The following HBP1 variants were observed in gnomAD, a reference collection of about 807,000 sequenced individuals.
HBP1 encodes the protein HMG-box transcription factor 1.
HBP1 carries 20 observed loss-of-function variants against 62.6 expected under a neutral mutation model. The ratio of observed to expected loss-of-function variants is 0.32; its 90% CI spans 0.22 to 0.46. The LOEUF is 0.46. Ranked by LOEUF, HBP1 falls within the 20% of genes least tolerant of loss-of-function variation. HBP1 has a pLI of 1.00. For synonymous variants in HBP1, 232 were observed against 206.2 expected, an observed-to-expected ratio of 1.12 and a Z score of -1.07; for missense variants, 480 against 611.8, an observed-to-expected ratio of 0.78 and a Z score of 2.27.
rs960108609 is a variant in HBP1, at chr7:107,202,402, T to C, written c.*971T>C. On this transcript the variant is annotated 3_prime_UTR_variant, in exon 11 of 11. Coordinates refer to ENST00000222574, the MANE Select transcript of HBP1 (RefSeq NM_012257.4). ...GTTACTTACCAAGTGGTGTTTCTGG[T>C]TAGGAATCACAGCTGTAAAATTGAT... 6.6e-6 allele frequency: 1 copy of C among 152,642 alleles called. No individual in the cohort carries two copies. Among genetic ancestry groups the C allele is most frequent in the Non-Finnish European group, 1.5e-5 (1 of 68,046 alleles). The allele number at this position is 152,642 out of a possible 1,614,324, so 9.5% of individuals were successfully genotyped here. A position where few individuals can be genotyped will look rare whatever the true frequency, so the allele number is the denominator to read the frequency against.
At chr7:107,193,211 T>G (rs560255649) in intron 8 of HBP1, 2 of 152,316 alleles carry the variant, frequency 1.3e-5, no homozygotes, top group East Asian at 3.9e-4. Context: ...TCAGGTAATA[T>G]GATTTAACAA....
Position 107,182,363 on chromosome 7 carries a change from T to A in HBP1, c.170-10T>A, listed in dbSNP as rs745499703. The A allele has an allele frequency of 6.7e-7, 1 of 1,496,702 alleles. No individual in the cohort carries two copies. The highest frequency in any genetic ancestry group is 1.1e-5 in the South Asian group (1 of 88,646). 92.7% of individuals were successfully genotyped at this position (1,496,702 alleles called of 1,614,324 possible). A position where few individuals can be genotyped will look rare whatever the true frequency, so the allele number is the denominator to read the frequency against. ...TTCCTTTTTATGATTTTGAGTGTGC[T>A]TATTTGCAGATGACCTTCCTGAACT... On this transcript the variant is annotated splice_polypyrimidine_tract_variant and intron_variant, in intron 2 of 10. Coordinates refer to ENST00000222574, the MANE Select transcript of HBP1 (RefSeq NM_012257.4).
Position 107,171,328 on chromosome 7 carries a change from C to T in HBP1, c.-16+2143C>T, listed in dbSNP as rs191003304. The stretch of plus-strand genomic sequence containing the variant: ...CTCGTGATCTGCCCGCCTCGGCCTC[C>T]CAAAGTGCTGGGATTACAGGTGTGA... On this transcript the variant is annotated intron_variant, in intron 1 of 10. Transcript: ENST00000222574. Among the ~76,000 whole-genome samples, 637 of 151,478 alleles carry T rather than the reference C, an allele frequency of 4.2e-3. 2 individuals are homozygous for T. Among genetic ancestry groups the T allele is most frequent in the African/African-American group, 0.014 (596 of 41,210 alleles).
At chr7:107,175,214 A>G (rs2115797569) in intron 1 of HBP1, among the ~76,000 whole-genome samples, 1 of 152,232 alleles carries the variant, frequency 6.6e-6, no homozygotes, top group African/African-American at 2.4e-5. Context: ...TTAAAAAAAA[A>G]AATCATCAGT....
chr7:107,197,947 C>T (rs1276822845), intron 9 of HBP1, among the ~76,000 whole-genome samples: 1 of 152,118 alleles, frequency 6.6e-6, no homozygotes, highest in African/African-American at 2.4e-5. Flanking sequence ...GTACATGCTG[C>T]ATTTCTCTTT....
intron 1 of HBP1, among the ~76,000 whole-genome samples, chr7:107,178,415 A>C (rs1796960889): frequency 6.8e-6 from 1 of 147,222 alleles, no homozygotes; most frequent in South Asian, 2.2e-4. Context: ...CGTTGTCCAA[A>C]GGGTGAAATA....
chr7:107,170,343 AT>A (rs1796493581), intron 1 of HBP1, among the ~76,000 whole-genome samples: 1 of 152,218 alleles, frequency 6.6e-6, no homozygotes, highest in African/African-American at 2.4e-5. Context: ...CTTTTTGAGA[AT>A]TAGAATAATT....
chr7:107,196,065 G>A lies in HBP1; in HGVS notation c.1299G>A (p.Lys433=), dbSNP rs1372370464. The A allele has an allele frequency of 1.9e-6, 3 of 1,613,500 alleles. No homozygotes were observed. The Admixed American group carries it at 5.0e-5, about 27-fold the overall frequency. ...CTGTGAGTGCCACTTCTCCTAATAA[G>A]TGCAAAAGACCAATGAATGCCTTCA... ...SGTVSATSPN[K]CKRPMNAFML... is the part of the protein sequence containing the mutation. The change falls in exon 9 of 11, where the codon AAG becomes AAA. Residue 433 remains lysine (K), a synonymous_variant. Coordinates refer to ENST00000222574, the MANE Select transcript of HBP1 (RefSeq NM_012257.4).
intron 9 of HBP1, among the ~76,000 whole-genome samples, chr7:107,198,995 A>AATG (rs1258637514): frequency 6.6e-6 from 1 of 152,186 alleles, no homozygotes; most frequent in Non-Finnish European, 1.5e-5. Context: ...GATTTGTTTA[A>AATG]ATGTGTCAAC....
chr7:107,179,769 C>G, intron 1 of HBP1, 110 bp from the exon 2 acceptor site: 1 of 649,368 alleles, frequency 1.5e-6, no homozygotes, highest in East Asian at 2.8e-5. Flanking sequence ...GTGACTATGT[C>G]TCAAAAAAAA....
intron 3 of HBP1, among the ~76,000 whole-genome samples, chr7:107,184,482 A>G (rs1161539136): frequency 6.6e-6 from 1 of 152,136 alleles, no homozygotes; most frequent in Non-Finnish European, 1.5e-5. Context: ...GGAATAAGGG[A>G]AAAATTGGAA....
chr7:107,171,127 G>T (rs1485942858), intron 1 of HBP1, among the ~76,000 whole-genome samples: 1 of 138,096 alleles, frequency 7.2e-6, no homozygotes, highest in East Asian at 2.1e-4. Flanking sequence ...TGGAGTGCAG[G>T]GGTGCGATCT....
intron 1 of HBP1, among the ~76,000 whole-genome samples, chr7:107,175,380 A>G (rs1045411533): frequency 6.6e-6 from 1 of 152,202 alleles, no homozygotes; most frequent in Non-Finnish European, 1.5e-5. Flanking sequence ...TTTTATAAAC[A>G]AGGCATGAAG....
At position 107,185,901 on chromosome 7, in the gene HBP1, C is replaced by T. The variant is rs1486646509; in HGVS notation, c.499C>T (p.His167Tyr). The change falls in exon 4 of 11, where the codon CAT becomes TAT. Residue 167 changes from histidine (H) to tyrosine (Y), a missense_variant. By Grantham distance (83) the His-to-Tyr change is moderately conservative. Transcript: ENST00000222574. ...TTCGAAGAGTGAACCAGCCTTCCCT[C>T]ATCACCATTGGAAGGAGGAAACACC... ...SSSKSEPAFP[H>Y]HHWKEETPVR... 5.6e-6 allele frequency: 9 copies of T among 1,612,120 alleles called. No individual in the cohort carries two copies. The Admixed American group carries it at 1.2e-4, about 21-fold the overall frequency.
intron 1 of HBP1, among the ~76,000 whole-genome samples, chr7:107,178,075 T>TA (rs1290527514): frequency 6.6e-6 from 1 of 152,210 alleles, no homozygotes; most frequent in African/African-American, 2.4e-5. Context: ...GTGCTTGACT[T>TA]TCAGTGACTT....
chr7:107,181,479 A>G (rs1012597331), intron 2 of HBP1, among the ~76,000 whole-genome samples: 36 of 150,714 alleles, frequency 2.4e-4, no homozygotes, highest in Non-Finnish European at 3.6e-4. Flanking sequence ...CTCAAAAAAA[A>G]ATTTTTTTTT....
chr7:107,171,073 A>ATATATT lies in HBP1; in HGVS notation c.-16+1889_-16+1890insATATTT. 3.0e-3 allele frequency among the ~76,000 whole-genome samples: 264 copies of ATATATT among 87,188 alleles called. 25 individuals carry two copies. The highest frequency in any genetic ancestry group is 9.5e-3 in the South Asian group (30 of 3,174). The allele number at this position is 87,188 out of a possible 152,430, so 57.2% of individuals were successfully genotyped here. On this transcript the variant is annotated intron_variant, in intron 1 of 10. Coordinates refer to ENST00000222574, the MANE Select transcript of HBP1 (RefSeq NM_012257.4). ...TATATATATATATATATATATATAT[A>ATATATT]TTTTTTTTTTTTTTTGAGAGGGAGT...
In HBP1 at chr7:107,178,194, A is replaced by AG. The variant is rs575069103; in HGVS notation, c.-15-1678dup. ...CACTCATTAGAACTTTTTCTTTAAG[A>AG]GGGGGGGTCTTGCTACATTGCCCAG... On this transcript the variant is annotated intron_variant, in intron 1 of 10. Coordinates refer to ENST00000222574, the MANE Select transcript of HBP1 (RefSeq NM_012257.4). Among the ~76,000 whole-genome samples, 113 of 152,046 alleles carry AG rather than the reference A, an allele frequency of 7.4e-4. 1 individual carries two copies. In the East Asian group the frequency reaches 0.019, roughly 25 times the overall value.
At position 107,179,897 on chromosome 7, in the gene HBP1, G is replaced by A. The variant is rs991045869; in HGVS notation, c.4G>A (p.Val2Met). Reference sequence around the variant, plus strand: ...TTTTAAGTCAGAGCACCATAACATGGTGTGGGAAGTGAAGACAAATCAGAT... The same window carrying A: ...TTTTAAGTCAGAGCACCATAACATGATGTGGGAAGTGAAGACAAATCAGAT... Reference protein sequence around the residue: MVWEVKTNQMPN... With the variant: MMWEVKTNQMPN... Residue 2 changes from valine (V) to methionine (M), a missense_variant, in exon 2 of 11, where the codon GTG (valine) becomes ATG (methionine). Coordinates refer to ENST00000222574, the MANE Select transcript of HBP1 (RefSeq NM_012257.4). The A allele has an allele frequency of 5.0e-6, 8 of 1,587,876 alleles. No homozygotes were observed. The highest frequency in any genetic ancestry group is 5.2e-6 in the Non-Finnish European group (6 of 1,159,070).
Sources: gnomAD v4.1 joint callset for allele counts (sites outside exome capture counted in the v4.1 genomes callset) on GRCh38, gnomAD v4.1.1 for gene constraint, MANE v1.5 for transcripts, NCBI Gene and HGNC (gene_info 2026-07-23, HGNC 2026-07-21) for gene names.